Variants in L3MBTL4 observed in about 807,000 individuals in gnomAD.
The protein encoded by L3MBTL4 is lethal(3)malignant brain tumor-like protein 4.
Under a neutral mutation model 84.5 loss-of-function variants are expected in L3MBTL4, and 70 were observed. The observed-to-expected ratio is 0.83, with a 90% CI of 0.68 to 1.01. The LOEUF is 1.01. Among genes scored for constraint, L3MBTL4 ranks in the 50% least tolerant of loss-of-function variants. L3MBTL4 has a pLI of 0.00. For synonymous variants in L3MBTL4, 274 were observed against 259.8 expected (o/e 1.05, Z -0.52); for missense variants, 715 against 754.8 (o/e 0.95, Z 0.62).
intron 4 of L3MBTL4, among the ~76,000 whole-genome samples, chr18:6,284,709 C>G (rs1231025036): frequency 1.3e-5 from 2 of 151,766 alleles, no homozygotes; most frequent in African/African-American, 4.8e-5. Flanking sequence ...CTTCTCCTTT[C>G]CCTTCTCTTT....
At position 6,307,307 on chromosome 18, in the gene L3MBTL4, C is replaced by T. The variant is rs191341396; in HGVS notation, c.72+4247G>A. ...AAAAAATGAGCTGAACGTGGTGGTG[C>T]GCACCTGTAGTCCCAGCTACTCGGG... On this transcript the variant is annotated intron_variant, in intron 3 of 18. Transcript: ENST00000317931. Among the ~76,000 whole-genome samples the T allele has an allele frequency of 4.2e-3, 633 of 151,538 alleles. 6 individuals are homozygous for T. Among genetic ancestry groups the T allele is most frequent in the African/African-American group, 0.014 (583 of 41,278 alleles).
At chr18:6,333,126 A>T (rs79568995) in intron 1 of L3MBTL4, among the ~76,000 whole-genome samples, 25,193 of 152,108 alleles carry the variant, frequency 0.17, 2,409 homozygotes, top group African/African-American at 0.26. Flanking sequence ...GTAAAAAAAA[A>T]ACATATGGCA....
chr18:6,251,590 C>T (rs1340181012), intron 5 of L3MBTL4, among the ~76,000 whole-genome samples: 1 of 152,158 alleles, frequency 6.6e-6, no homozygotes, highest in African/African-American at 2.4e-5. Flanking sequence ...TCTGGCTTTC[C>T]TGTTTGAGTG....
chr18:5,958,026 A>G (rs963852520), intron 18 of L3MBTL4, among the ~76,000 whole-genome samples: 3 of 111,104 alleles, frequency 2.7e-5, no homozygotes, highest in Non-Finnish European at 5.6e-5. Context: ...GGAGAAGGAG[A>G]AAGAGGAGGA....
At chr18:6,126,747 C>T (rs984285672) in intron 14 of L3MBTL4, among the ~76,000 whole-genome samples, 2 of 152,120 alleles carry the variant, frequency 1.3e-5, no homozygotes, top group African/African-American at 2.4e-5. Context: ...TTTAAAGATC[C>T]ATGACTGATC....
At chr18:6,159,244 G>A (rs1218256641) in intron 13 of L3MBTL4, among the ~76,000 whole-genome samples, 1 of 152,140 alleles carries the variant, frequency 6.6e-6, no homozygotes, top group Non-Finnish European at 1.5e-5. Context: ...CTCACTGGCT[G>A]GGTTACCCAC....
At chr18:6,017,565 G>T (rs1466357095) in intron 16 of L3MBTL4, among the ~76,000 whole-genome samples, 2 of 152,184 alleles carry the variant, frequency 1.3e-5, no homozygotes. Flanking sequence ...GGATAGCATG[G>T]CCCCTGCCCT....
chr18:6,351,935 C>T (rs1169752198), intron 1 of L3MBTL4, among the ~76,000 whole-genome samples: 1 of 152,140 alleles, frequency 6.6e-6, no homozygotes, highest in East Asian at 1.9e-4. Flanking sequence ...ATCCTCCTGC[C>T]TCAGCCCCAC....
rs1229681275 is a variant in L3MBTL4, at chr18:6,410,634, T to A, written c.-91+4167A>T. 5.9e-5 allele frequency among the ~76,000 whole-genome samples: 9 copies of A among 152,306 alleles called. No individual in the cohort carries two copies. In the South Asian group the frequency reaches 1.7e-3, roughly 28 times the overall value. On this transcript the variant is annotated intron_variant, in intron 1 of 18. Transcript: ENST00000317931. ...GTAAAAGTGTTATACTCTCTATCTG[T>A]CCCTCTAGTTAAACACATTCTCTCT...
chr18:6,217,978 C>T (rs1217917835), intron 10 of L3MBTL4, among the ~76,000 whole-genome samples: 2 of 152,084 alleles, frequency 1.3e-5, no homozygotes, highest in African/African-American at 4.8e-5. Flanking sequence ...GTTTTTTAAT[C>T]TAATTTCTGT....
chr18:6,150,692 G>A (rs986129423), intron 13 of L3MBTL4, among the ~76,000 whole-genome samples: 3 of 152,140 alleles, frequency 2.0e-5, no homozygotes, highest in African/African-American at 7.2e-5. Flanking sequence ...TTCACTGGTG[G>A]CTTTGAATTT....
chr18:6,293,148 C>T lies in L3MBTL4; in HGVS notation c.127+8755G>A, dbSNP rs116163233. On this transcript the variant is annotated intron_variant, in intron 4 of 18. Coordinates refer to ENST00000317931, the MANE Select transcript of L3MBTL4 (RefSeq NM_001330559.2). ...AAATTCATCTCTGTAGTTTACTCAACTTCAACATATAGACATCTGTGTTCA... is the reference window on the plus strand; with the variant it reads ...AAATTCATCTCTGTAGTTTACTCAATTTCAACATATAGACATCTGTGTTCA... Among the ~76,000 whole-genome samples the T allele has an allele frequency of 2.1e-3, 324 of 152,268 alleles. 2 individuals carry two copies. The highest frequency in any genetic ancestry group is 7.7e-3 in the African/African-American group (319 of 41,558).
chr18:6,084,994 C>G (rs1392974229), intron 15 of L3MBTL4, among the ~76,000 whole-genome samples: 1 of 152,102 alleles, frequency 6.6e-6, no homozygotes, highest in Non-Finnish European at 1.5e-5. Flanking sequence ...TTCTATGTTC[C>G]CACGCATGTG....
chr18:6,230,821 G>T (rs764453463), intron 10 of L3MBTL4, among the ~76,000 whole-genome samples: 3 of 152,048 alleles, frequency 2.0e-5, no homozygotes, highest in Non-Finnish European at 2.9e-5. Flanking sequence ...TGTGGTTTTT[G>T]ATTTGCATTT....
chr18:6,033,698 C>A (rs888635798), intron 16 of L3MBTL4, among the ~76,000 whole-genome samples: 1 of 152,134 alleles, frequency 6.6e-6, no homozygotes, highest in Non-Finnish European at 1.5e-5. Context: ...TCCTTTTCCA[C>A]TTTCTTTTGT....
At chr18:6,170,266 A>T (rs1325307177) in intron 13 of L3MBTL4, among the ~76,000 whole-genome samples, 2 of 152,150 alleles carry the variant, frequency 1.3e-5, no homozygotes, top group Non-Finnish European at 2.9e-5. Flanking sequence ...TGTGCAACTC[A>T]CTAGCAGACT....
rs770389776 is a variant in L3MBTL4, at chr18:6,311,668, G to A, written c.-31-12C>T. 5.2e-6 allele frequency: 8 copies of A among 1,528,346 alleles called. No homozygotes were observed. In the East Asian group the frequency reaches 1.3e-4, roughly 26 times the overall value. 94.7% of individuals were successfully genotyped at this position (1,528,346 alleles called of 1,614,324 possible). ...TTGGCAGTGGTTTTCTGTAAAACAG[G>A]GTTACATAAGAAGTTGGGGATGGGG... On this transcript the variant is annotated splice_polypyrimidine_tract_variant and intron_variant, in intron 2 of 18. Transcript: ENST00000317931.
rs945649301 is a variant in L3MBTL4, at chr18:6,209,815, G to A, written c.981+3334C>T. ...AATGGCTATTATTCAGAAATAAAAA[G>A]GAATGAAGTACTGATATTTACTACA... On this transcript the variant is annotated intron_variant, in intron 12 of 18. Transcript: ENST00000317931. 3.3e-5 allele frequency among the ~76,000 whole-genome samples: 5 copies of A among 152,230 alleles called. No homozygotes were observed. In the East Asian group the frequency reaches 9.7e-4, roughly 29 times the overall value.
intron 12 of L3MBTL4, among the ~76,000 whole-genome samples, chr18:6,210,977 G>A (rs1342595256): frequency 6.6e-6 from 1 of 152,184 alleles, no homozygotes. Flanking sequence ...GCCAGGTAGA[G>A]TTTCAGGAAT....
Sources: gnomAD v4.1 joint callset for allele counts (sites outside exome capture counted in the v4.1 genomes callset) on GRCh38, gnomAD v4.1.1 for gene constraint, MANE v1.5 for transcripts, NCBI Gene and HGNC (gene_info 2026-07-23, HGNC 2026-07-21) for gene names.